DR1: variants seen among roughly 807,000 people sequenced by gnomAD.
DR1 encodes the protein down-regulator of transcription 1.
In DR1, 7 loss-of-function variants were observed where a neutral mutation model predicts 19.9. The observed-to-expected ratio is 0.35, with a 90% CI of 0.20 to 0.66. The LOEUF is 0.66. DR1 is among the 30% of genes least tolerant of loss of function. The probability of loss-of-function intolerance (pLI) is 0.66; values close to 1 mark genes in which losing one functional copy is unlikely to be tolerated. For missense variants in DR1, 98 were observed against 203.7 expected, an observed-to-expected ratio of 0.48 and a Z score of 3.16; for synonymous variants, 76 against 72.5, an observed-to-expected ratio of 1.05 and a Z score of -0.24.
chr1:93,350,610 A>G (rs1459897399), intron 1 of DR1, among the ~76,000 whole-genome samples: 1 of 152,188 alleles, frequency 6.6e-6, no homozygotes, highest in Non-Finnish European at 1.5e-5. Flanking sequence ...ATAAGCCTAT[A>G]TGAAGATTAT....
chr1:93,351,436 CTTTTTTTT>C (rs397862048), intron 1 of DR1, among the ~76,000 whole-genome samples: 2 of 103,844 alleles, frequency 1.9e-5, no homozygotes, highest in African/African-American at 3.8e-5. Flanking sequence ...GATTTTCTTT[CTTTTTTTT>C]TTTTTTTTTT....
intron 1 of DR1, among the ~76,000 whole-genome samples, chr1:93,351,302 T>A (rs965164956): frequency 3.9e-5 from 6 of 152,144 alleles, no homozygotes; most frequent in African/African-American, 1.4e-4. Flanking sequence ...TTGAATAATA[T>A]TAAATATTAA....
In DR1 at chr1:93,353,906, A is replaced by G; in HGVS notation, c.221-2A>G. On this transcript the variant is annotated splice_acceptor_variant, in intron 1 of 2. Coordinates refer to ENST00000370272, the MANE Select transcript of DR1 (RefSeq NM_001938.3). LOFTEE classifies it high-confidence loss of function. The stretch of plus-strand genomic sequence containing the variant: ...CATATTTTAATATTTTCATTTCTCT[A>G]GCACTAGAAAGTTTGGGATTTGGCT... The G allele has an allele frequency of 6.3e-7, 1 of 1,598,412 alleles. No homozygotes were observed. The highest frequency in any genetic ancestry group is 8.5e-7 in the Non-Finnish European group (1 of 1,173,170).
intron 2 of DR1, among the ~76,000 whole-genome samples, chr1:93,357,530 T>TAAATA (rs1322894176): frequency 1.3e-5 from 2 of 151,776 alleles, no homozygotes; most frequent in Non-Finnish European, 2.9e-5. Context: ...AATAAATAAA[T>TAAATA]AAATAAATAA....
At position 93,365,821 on chromosome 1, in the gene DR1, C is replaced by G. The variant is rs2101643038; in HGVS notation, c.*5182C>G. ...CAGCCATTATAAATCTCTGTACCTG[C>G]TTGCTGCTTTTCTACCTCATTGTTA... On this transcript the variant is annotated 3_prime_UTR_variant, in exon 3 of 3. Coordinates refer to ENST00000370272, the MANE Select transcript of DR1 (RefSeq NM_001938.3). The G allele has an allele frequency of 6.6e-6, 1 of 152,332 alleles. No individual in the cohort carries two copies. The highest frequency in any genetic ancestry group is 1.9e-4 in the East Asian group (1 of 5,190). The allele number at this position is 152,332 out of a possible 1,614,324, so 9.4% of individuals were successfully genotyped here. A position where few individuals can be genotyped will look rare whatever the true frequency, so the allele number is the denominator to read the frequency against.
At position 93,361,392 on chromosome 1, in the gene DR1, A is replaced by G. The variant is rs1667049986; in HGVS notation, c.*753A>G. 1 of 152,568 alleles carries G rather than the reference A, an allele frequency of 6.6e-6. No homozygotes were observed. Among genetic ancestry groups the G allele is most frequent in the Non-Finnish European group, 1.5e-5 (1 of 67,990 alleles). The allele number at this position is 152,568 out of a possible 1,614,324, so 9.5% of individuals were successfully genotyped here. On this transcript the variant is annotated 3_prime_UTR_variant, in exon 3 of 3. Transcript: ENST00000370272. ...GTCATGATTTTTACTCTTTCACTCC[A>G]ATTCAGTAATTGTTGATAGTATTAC...
chr1:93,347,828 T>C (rs1666871093), intron 1 of DR1, among the ~76,000 whole-genome samples: 1 of 152,198 alleles, frequency 6.6e-6, no homozygotes, highest in Non-Finnish European at 1.5e-5. Flanking sequence ...TTACATGTAC[T>C]CTTGTGAAAG....
At position 93,368,122 on chromosome 1, in the gene DR1, GTTTA is replaced by G. The variant is rs1457029011; in HGVS notation, c.*7487_*7490del. 6.6e-6 allele frequency: 1 copy of G among 152,174 alleles called. No individual in the cohort carries two copies. The highest frequency in any genetic ancestry group is 1.5e-5 in the Non-Finnish European group (1 of 68,034). The allele number at this position is 152,174 out of a possible 1,614,324, so 9.4% of individuals were successfully genotyped here. On this transcript the variant is annotated 3_prime_UTR_variant, in exon 3 of 3. Transcript: ENST00000370272. ...TTTTTTTACATATGTTATTTCATTT[GTTTA>G]TTTCCTCTGTGAGGGTAAGTATTGA...
At position 93,368,206 on chromosome 1, in the gene DR1, A is replaced by G. The variant is rs1003310078; in HGVS notation, c.*7567A>G. ...ACACCATTAAAAATAATAGACATACAGTATGCAGTATTTTGTTTTACTTAT... is the reference window on the plus strand; with the variant it reads ...ACACCATTAAAAATAATAGACATACGGTATGCAGTATTTTGTTTTACTTAT... On this transcript the variant is annotated 3_prime_UTR_variant, in exon 3 of 3. Transcript: ENST00000370272. The G allele has an allele frequency of 6.6e-6, 1 of 152,206 alleles. No individual in the cohort carries two copies. The highest frequency in any genetic ancestry group is 6.5e-5 in the Admixed American group (1 of 15,284). 9.4% of individuals were successfully genotyped at this position (152,206 alleles called of 1,614,324 possible).
chr1:93,354,011 G>A lies in DR1; in HGVS notation c.324G>A (p.Leu108=). The A allele has an allele frequency of 1.2e-6, 2 of 1,613,796 alleles. No individual in the cohort carries two copies. Among genetic ancestry groups the A allele is most frequent in the Non-Finnish European group, 1.7e-6 (2 of 1,179,822 alleles). Residue 108 remains leucine (L), a synonymous_variant, in exon 2 of 3, where the codon TTG becomes TTA. Coordinates refer to ENST00000370272, the MANE Select transcript of DR1 (RefSeq NM_001938.3). Reference sequence around the variant, plus strand: ...AAAGAAGAAAGGCCAGTTCTCGTTTGGAAAACCTTGGCATTCCTGAAGAAG... The same window carrying A: ...AAAGAAGAAAGGCCAGTTCTCGTTTAGAAAACCTTGGCATTCCTGAAGAAG... The part of the protein sequence containing the change: ...ALKRRKASSR[L]ENLGIPEEEL...
At chr1:93,352,269 AC>A (rs1666921864) in intron 1 of DR1, among the ~76,000 whole-genome samples, 1 of 152,022 alleles carries the variant, frequency 6.6e-6, no homozygotes, top group Non-Finnish European at 1.5e-5. Context: ...ACAGGGTTTC[AC>A]CCTGTTAGCC....
At chr1:93,351,432 CTTTCTTTTTTTTT>C (rs1666911269) in intron 1 of DR1, among the ~76,000 whole-genome samples, 2 of 125,652 alleles carry the variant, frequency 1.6e-5, no homozygotes, top group Non-Finnish European at 3.4e-5. Flanking sequence ...ATTGGATTTT[CTTTCTTTTTTTTT>C]TTTTTTTTTT....
rs1667134577 is a variant in DR1 at position 93,366,671 on chromosome 1, A to G, written c.*6032A>G. The G allele has an allele frequency of 2.0e-5, 3 of 152,200 alleles. No homozygotes were observed. The highest frequency in any genetic ancestry group is 4.4e-5 in the Non-Finnish European group (3 of 68,038). The allele number at this position is 152,200 out of a possible 1,614,324, so 9.4% of individuals were successfully genotyped here. A position where few individuals can be genotyped will look rare whatever the true frequency, so the allele number is the denominator to read the frequency against. On this transcript the variant is annotated 3_prime_UTR_variant, in exon 3 of 3. Transcript: ENST00000370272. Reference sequence around the variant, plus strand: ...AACACTTCTAAAATTAAACATTGAGATTAATATGAGCTTTATATACATTTA... The same window carrying G: ...AACACTTCTAAAATTAAACATTGAGGTTAATATGAGCTTTATATACATTTA...
chr1:93,346,907 T>G lies in DR1; in HGVS notation c.220+42T>G, dbSNP rs748025164. ...AGCTGGTTTGAATGAGGTTCTAGGG[T>G]AGCAGTCTGCTAATCGCGTGACCCT... On this transcript the variant is annotated intron_variant, in intron 1 of 2. Transcript: ENST00000370272. 12 of 1,521,470 alleles carry G rather than the reference T, an allele frequency of 7.9e-6. No homozygotes were observed. In the South Asian group the frequency reaches 1.3e-4, roughly 16 times the overall value. The allele number at this position is 1,521,470 out of a possible 1,614,324, so 94.2% of individuals were successfully genotyped here.
At chr1:93,354,175 G>A (rs891602725) in intron 2 of DR1, 104 bp downstream of exon 2, 54 of 1,160,950 alleles carry the variant, frequency 4.7e-5, no homozygotes, top group Non-Finnish European at 6.3e-5. Context: ...CCTTTTTCTA[G>A]GTAGTTGATT....
chr1:93,348,845 T>C (rs891698520), intron 1 of DR1, among the ~76,000 whole-genome samples: 3 of 152,104 alleles, frequency 2.0e-5, no homozygotes, highest in Admixed American at 6.5e-5. Flanking sequence ...TTGTAGACTT[T>C]ATACATTTAT....
At chr1:93,357,572 G>GA (rs1667003904) in intron 2 of DR1, among the ~76,000 whole-genome samples, 1 of 151,762 alleles carries the variant, frequency 6.6e-6, no homozygotes, top group Non-Finnish European at 1.5e-5. Flanking sequence ...TTTTGAAAAT[G>GA]TACAATCACT....
At chr1:93,357,537 A>ATAAATAAATAAG (rs1667003484) in intron 2 of DR1, among the ~76,000 whole-genome samples, 1 of 151,916 alleles carries the variant, frequency 6.6e-6, no homozygotes, top group East Asian at 1.9e-4. Context: ...AAATAAATAA[A>ATAAATAAATAAG]TAAATAATGA....
chr1:93,355,676 T>G (rs539532234), intron 2 of DR1: 17 of 152,206 alleles, frequency 1.1e-4, no homozygotes, highest in Non-Finnish European at 2.4e-4. Context: ...CTATTATCTG[T>G]TTTTTTATTC....
Sources: gnomAD v4.1 joint callset for allele counts (sites outside exome capture counted in the v4.1 genomes callset) on GRCh38, gnomAD v4.1.1 for gene constraint, MANE v1.5 for transcripts, NCBI Gene and HGNC (gene_info 2026-07-23, HGNC 2026-07-21) for gene names.